The following CRPPA variants were observed in gnomAD, a reference collection of about 807,000 sequenced individuals.
CRPPA encodes D-ribitol-5-phosphate cytidylyltransferase.
A neutral mutation model predicts 52.0 loss-of-function variants in CRPPA; 43 were observed. That is an observed-to-expected ratio of 0.83 (90% CI 0.65 to 1.07). The LOEUF is 1.07. CRPPA is among the 50% of genes least tolerant of loss of function. The pLI is 0.00. For synonymous variants in CRPPA, 250 were observed against 203.5 expected (o/e 1.23, Z -1.94); for missense variants, 629 against 551.7 (o/e 1.14, Z -1.40).
At chr7:16,304,997 AT>A (rs528348349) in intron 4 of CRPPA, among the ~76,000 whole-genome samples, 68 of 151,594 alleles carry the variant, frequency 4.5e-4, no homozygotes, top group Middle Eastern at 6.8e-3. Context: ...TTTCAGATAC[AT>A]TTTTTTTTAA....
At chr7:16,171,527 G>A (rs1329431117) in intron 9 of CRPPA, among the ~76,000 whole-genome samples, 2 of 152,060 alleles carry the variant, frequency 1.3e-5, no homozygotes, top group Non-Finnish European at 2.9e-5. Context: ...AGCACTTTGG[G>A]AGGCCAAGGC....
At chr7:16,105,910 C>T (rs1157035102) in intron 9 of CRPPA, among the ~76,000 whole-genome samples, 1 of 152,122 alleles carries the variant, frequency 6.6e-6, no homozygotes, top group East Asian at 1.9e-4. Context: ...AAAGAAGAAT[C>T]CTACTTCTTT....
chr7:16,265,650 T>C (rs988916365), intron 6 of CRPPA, among the ~76,000 whole-genome samples: 3 of 152,158 alleles, frequency 2.0e-5, no homozygotes, highest in African/African-American at 7.2e-5. Flanking sequence ...TGCTTGCTGT[T>C]ATAACTCTAC....
intron 2 of CRPPA, among the ~76,000 whole-genome samples, chr7:16,388,835 C>T (rs1787364143): frequency 6.6e-6 from 1 of 152,026 alleles, no homozygotes; most frequent in African/African-American, 2.4e-5. Context: ...GAGATGGCGC[C>T]ACTGCACTCC....
intron 9 of CRPPA, among the ~76,000 whole-genome samples, chr7:16,098,946 A>G (rs905471037): frequency 3.2e-4 from 48 of 152,228 alleles, no homozygotes; most frequent in Non-Finnish European, 6.8e-4. Flanking sequence ...AAAAACTTAG[A>G]TAATACTAAT....
intron 9 of CRPPA, among the ~76,000 whole-genome samples, chr7:16,148,698 G>C (rs1366435143): frequency 6.6e-6 from 1 of 152,072 alleles, no homozygotes; most frequent in East Asian, 1.9e-4. Context: ...AACTAGATGG[G>C]AGAATGAGTT....
chr7:16,139,674 T>A (rs1471608471), intron 9 of CRPPA, among the ~76,000 whole-genome samples: 3 of 152,256 alleles, frequency 2.0e-5, no homozygotes, highest in African/African-American at 7.2e-5. Context: ...TTGATTATAC[T>A]TGCCTTCAGA....
intron 3 of CRPPA, among the ~76,000 whole-genome samples, chr7:16,327,823 G>C (rs1238855785): frequency 6.6e-6 from 1 of 152,052 alleles, no homozygotes; most frequent in Non-Finnish European, 1.5e-5. Context: ...TAGTAATAAA[G>C]GGGCAACATG....
chr7:16,388,840 C>T (rs1229150709), intron 2 of CRPPA, among the ~76,000 whole-genome samples: 1 of 152,100 alleles, frequency 6.6e-6, no homozygotes, highest in African/African-American at 2.4e-5. Context: ...GGCGCCACTG[C>T]ACTCCAGCCT....
intron 8 of CRPPA, among the ~76,000 whole-genome samples, chr7:16,249,146 G>A (rs1583464500): frequency 6.6e-6 from 1 of 152,256 alleles, no homozygotes; most frequent in African/African-American, 2.4e-5. Flanking sequence ...GCTCAGTGAG[G>A]CTGACCGCCT....
chr7:16,208,136 G>C (rs1455346726), intron 9 of CRPPA, among the ~76,000 whole-genome samples: 1 of 152,058 alleles, frequency 6.6e-6, no homozygotes, highest in Non-Finnish European at 1.5e-5. Flanking sequence ...AAATAATATA[G>C]CCTACCTATG....
intron 5 of CRPPA, among the ~76,000 whole-genome samples, chr7:16,289,411 G>C (rs773546334): frequency 6.6e-6 from 1 of 151,782 alleles, no homozygotes; most frequent in South Asian, 2.1e-4. Flanking sequence ...TAAAAATAAA[G>C]CAGAGACACA....
chr7:16,407,709 C>A (rs1787987770), intron 1 of CRPPA, among the ~76,000 whole-genome samples: 1 of 152,142 alleles, frequency 6.6e-6, no homozygotes, highest in Admixed American at 6.5e-5. Flanking sequence ...CTGCCTGTAG[C>A]TAAAAGAAGA....
intron 1 of CRPPA, among the ~76,000 whole-genome samples, chr7:16,406,869 G>A (rs767953183): frequency 1.3e-5 from 2 of 151,952 alleles, no homozygotes; most frequent in Admixed American, 1.3e-4. Flanking sequence ...GGGAGAAACC[G>A]TTATAATTAA....
At chr7:16,183,815 T>G (rs1304139733) in intron 9 of CRPPA, among the ~76,000 whole-genome samples, 1 of 152,162 alleles carries the variant, frequency 6.6e-6, no homozygotes, top group Non-Finnish European at 1.5e-5. Flanking sequence ...AGGTTTGGTC[T>G]TTTCCCTGAA....
chr7:16,186,619 A>G (rs1264942452), intron 9 of CRPPA, among the ~76,000 whole-genome samples: 2 of 152,242 alleles, frequency 1.3e-5, no homozygotes, highest in African/African-American at 4.8e-5. Context: ...AAGAAAAATA[A>G]ATGTTACAAA....
chr7:16,213,474 C>T (rs979461692), intron 9 of CRPPA, among the ~76,000 whole-genome samples: 2 of 151,974 alleles, frequency 1.3e-5, no homozygotes, highest in South Asian at 2.1e-4. Context: ...TTTGGCCAGG[C>T]GCGGTGGCTC....
At chr7:16,317,762 G>C (rs911284004) in intron 3 of CRPPA, among the ~76,000 whole-genome samples, 2 of 152,142 alleles carry the variant, frequency 1.3e-5, no homozygotes, top group Non-Finnish European at 2.9e-5. Flanking sequence ...GACACATCCA[G>C]AAGTGAAATT....
chr7:16,205,926 A>C (rs1039001963), intron 9 of CRPPA, among the ~76,000 whole-genome samples: 1 of 152,164 alleles, frequency 6.6e-6, no homozygotes, highest in African/African-American at 2.4e-5. Context: ...ATTAAATGTA[A>C]ATCTTAGTAA....
Sources: gnomAD v4.1 joint callset for allele counts (sites outside exome capture counted in the v4.1 genomes callset) on GRCh38, gnomAD v4.1.1 for gene constraint, MANE v1.5 for transcripts, NCBI Gene and HGNC (gene_info 2026-07-23, HGNC 2026-07-21) for gene names.